Variants in ZDBF2 observed in about 807,000 individuals in gnomAD.
ZDBF2 encodes DBF4-type zinc finger-containing protein 2.
In ZDBF2, 6 loss-of-function variants were observed where a neutral mutation model predicts 9.4. The ratio of observed to expected loss-of-function variants is 0.64; its 90% CI spans 0.35 to 1.27. ZDBF2 has a LOEUF of 1.27. ZDBF2 is among the 50% of genes most tolerant of loss of function. ZDBF2 has a pLI of 0.03. For missense variants in ZDBF2, 2,697 were observed against 2,766.8 expected (o/e 0.97, Z 0.57); for synonymous variants, 905 against 946.3 (o/e 0.96, Z 0.80).
Position 206,308,220 on chromosome 2 carries a change from C to T in ZDBF2, c.3692C>T (p.Thr1231Met), listed in dbSNP as rs371651758. ...CTTTGGAAGGATGAAGAAGTTGACA[C>T]GGAAGATAGGAGAAATGAAGCTAAG... ...ISLWKDEEVDTEDRRNEAKGF... is the reference protein window; with the variant it reads ...ISLWKDEEVDMEDRRNEAKGF... The change falls in exon 5 of 5, where the codon ACG becomes ATG. Residue 1231 changes from threonine to methionine, a missense_variant. This residue lies in a region of ZDBF2 where 1,783 missense variants were observed against 1,776.5 expected (regional missense o/e 1.00). Coordinates refer to ENST00000374423, the MANE Select transcript of ZDBF2 (RefSeq NM_020923.3). 58 of 1,613,752 alleles carry T rather than the reference C, an allele frequency of 3.6e-5. No individual in the cohort carries two copies. In the African/African-American group the frequency reaches 4.1e-4, roughly 11 times the overall value.
intron 1 of ZDBF2, among the ~76,000 whole-genome samples, chr2:206,278,573 A>T (rs1025636582): frequency 6.6e-6 from 1 of 152,164 alleles, no homozygotes; most frequent in African/African-American, 2.4e-5. Flanking sequence ...GCCCTGGTTT[A>T]TTGCCCCTTA....
In ZDBF2 at chr2:206,296,826, C is replaced by T. The variant is rs112065335; in HGVS notation, c.61-420C>T. ...TCTAAATCCAGCACCTTAGACCACT[C>T]GGCCACACTACCACACTCATTTTTT... On this transcript the variant is annotated intron_variant, in intron 3 of 4. Coordinates refer to ENST00000374423, the MANE Select transcript of ZDBF2 (RefSeq NM_020923.3). 7.2e-5 allele frequency among the ~76,000 whole-genome samples: 11 copies of T among 152,232 alleles called. 1 individual carries two copies. The highest frequency in any genetic ancestry group is 2.2e-4 in the African/African-American group (9 of 41,526).
At position 206,293,647 on chromosome 2, in the gene ZDBF2, T is replaced by A. The variant is rs74885338; in HGVS notation, c.61-3599T>A. ...AACAGACCCAATGTAAAAGAGGATA[T>A]CCAGATGGCTAGTAAATATGAAAAG... is the stretch of plus-strand genomic sequence containing the variant. On this transcript the variant is annotated intron_variant, in intron 3 of 4. Transcript: ENST00000374423. Among the ~76,000 whole-genome samples the A allele has an allele frequency of 8.1e-3, 1,237 of 152,182 alleles. 19 individuals are homozygous for A. Among genetic ancestry groups the A allele is most frequent in the African/African-American group, 0.028 (1,179 of 41,524 alleles).
chr2:206,288,518 A>G (rs957293082), intron 3 of ZDBF2, among the ~76,000 whole-genome samples: 8 of 152,204 alleles, frequency 5.3e-5, no homozygotes, highest in Admixed American at 1.3e-4. Context: ...GACGTGGCCT[A>G]TAAGCAAGCA....
At chr2:206,282,540 A>G (rs1264164549) in intron 3 of ZDBF2, among the ~76,000 whole-genome samples, 1 of 152,146 alleles carries the variant, frequency 6.6e-6, no homozygotes, top group Non-Finnish European at 1.5e-5. Context: ...GGAGAAGTCG[A>G]TTCTTTAAGA....
At chr2:206,297,566 AC>A (rs1164758852) in intron 4 of ZDBF2, among the ~76,000 whole-genome samples, 193 bp downstream of exon 4, 9 of 152,216 alleles carry the variant, frequency 5.9e-5, no homozygotes, top group African/African-American at 2.2e-4. Flanking sequence ...GATATGGACT[AC>A]ACTATGTTTT....
At position 206,307,646 on chromosome 2, in the gene ZDBF2, G is replaced by C; in HGVS notation, c.3118G>C (p.Glu1040Gln). The C allele has an allele frequency of 6.2e-7, 1 of 1,612,038 alleles. No homozygotes were observed. The highest frequency in any genetic ancestry group is 2.2e-5 in the East Asian group (1 of 44,850). The change falls in exon 5 of 5, where the codon GAA (glutamate) becomes CAA (glutamine). Residue 1040 changes from glutamate (E) to glutamine (Q), a missense_variant. Physicochemically the swap from Glu to Gln is conservative, Grantham distance 29. This residue lies in a region of ZDBF2 where 1,783 missense variants were observed against 1,776.5 expected (regional missense o/e 1.00). Coordinates refer to ENST00000374423, the MANE Select transcript of ZDBF2 (RefSeq NM_020923.3). ...CAAGAATGATAAATGTAGTGGTTCTGAAATAATTTTGGATTCTAATGTTCC... is the reference window on the plus strand; with the variant it reads ...CAAGAATGATAAATGTAGTGGTTCTCAAATAATTTTGGATTCTAATGTTCC... Reference protein sequence around the residue: ...ENKNDKCSGSEIILDSNVPPQ... With the variant: ...ENKNDKCSGSQIILDSNVPPQ...
In ZDBF2 at chr2:206,311,178, C is replaced by T. The variant is rs1424858558; in HGVS notation, c.6650C>T (p.Thr2217Ile). 1.2e-6 allele frequency: 2 copies of T among 1,613,184 alleles called. No individual in the cohort carries two copies. The highest frequency in any genetic ancestry group is 4.5e-5 in the East Asian group (2 of 44,886). Residue 2217 changes from threonine to isoleucine, a missense_variant, in exon 5 of 5, where the codon ACC (threonine) becomes ATC (isoleucine). Transcript: ENST00000374423. ...ASEKQSIWIR[T>I]KPSDIIRKYI... ...GAGAAACAGTCAATTTGGATTCGGA[C>T]CAAACCAAGTGATATCATTAGAAAG...
chr2:206,308,657 G>A lies in ZDBF2; in HGVS notation c.4129G>A (p.Ala1377Thr). 1.2e-6 allele frequency: 2 copies of A among 1,612,394 alleles called. No individual in the cohort carries two copies. The highest frequency in any genetic ancestry group is 1.7e-6 in the Non-Finnish European group (2 of 1,179,848). The change falls in exon 5 of 5, where the codon GCA becomes ACA. Residue 1377 changes from alanine (A) to threonine (T), a missense_variant. By Grantham distance (58) the Ala-to-Thr change is moderately conservative. Coordinates refer to ENST00000374423, the MANE Select transcript of ZDBF2 (RefSeq NM_020923.3). Reference sequence around the variant, plus strand: ...TGATTCCAATGACTCTTTTCAGGCAGCAGCAGATGAGCTTCAAAAACCTGT... The same window carrying A: ...TGATTCCAATGACTCTTTTCAGGCAACAGCAGATGAGCTTCAAAAACCTGT... ...SSDSNDSFQAAADELQKPVKE... is the reference protein window; with the variant it reads ...SSDSNDSFQATADELQKPVKE...
In ZDBF2 at chr2:206,274,740, T is replaced by C. The variant is rs899345726; in HGVS notation, c.-309T>C. ...GAGTCGCGACTCGGGGCCCGCGTCC[T>C]GAGAGACGCGCTCCCGCGCCGCTTC... On this transcript the variant is annotated 5_prime_UTR_variant, in exon 1 of 5. Coordinates refer to ENST00000374423, the MANE Select transcript of ZDBF2 (RefSeq NM_020923.3). The C allele has an allele frequency of 1.3e-5, 2 of 152,116 alleles. No homozygotes were observed. The highest frequency in any genetic ancestry group is 2.9e-5 in the Non-Finnish European group (2 of 68,016). The allele number at this position is 152,116 out of a possible 1,614,324, so 9.4% of individuals were successfully genotyped here.
chr2:206,307,722 A>G lies in ZDBF2; in HGVS notation c.3194A>G (p.His1065Arg), dbSNP rs775432428. The change falls in exon 5 of 5, where the codon CAT (histidine) becomes CGT (arginine). Residue 1065 changes from histidine (H) to arginine (R), a missense_variant. This residue lies in a region of ZDBF2 where 1,783 missense variants were observed against 1,776.5 expected (regional missense o/e 1.00). Coordinates refer to ENST00000374423, the MANE Select transcript of ZDBF2 (RefSeq NM_020923.3). ...QPQLAFLKEKHVNLKDKNSKS... is the reference protein window; with the variant it reads ...QPQLAFLKEKRVNLKDKNSKS... ...CAACTAGCTTTTTTGAAGGAAAAAC[A>G]TGTTAATCTGAAGGACAAAAACAGT... The G allele has an allele frequency of 3.7e-6, 6 of 1,613,494 alleles. No homozygotes were observed. Among genetic ancestry groups the G allele is most frequent in the Non-Finnish European group, 5.1e-6 (6 of 1,179,742 alleles).
chr2:206,290,584 A>G (rs1342273100), intron 3 of ZDBF2, among the ~76,000 whole-genome samples: 1 of 152,178 alleles, frequency 6.6e-6, no homozygotes, highest in Admixed American at 6.5e-5. Context: ...ATTTATTCGT[A>G]AGCATTTTAT....
intron 3 of ZDBF2, among the ~76,000 whole-genome samples, chr2:206,293,930 A>G (rs1189257412): frequency 6.6e-6 from 1 of 152,142 alleles, no homozygotes; most frequent in African/African-American, 2.4e-5. Context: ...TTGGCACCAA[A>G]AGACACATAC....
chr2:206,280,211 A>T (rs1477381113), intron 2 of ZDBF2, among the ~76,000 whole-genome samples: 2 of 152,208 alleles, frequency 1.3e-5, no homozygotes, highest in African/African-American at 2.4e-5. Flanking sequence ...GTTAATTTTT[A>T]AAAATGCCAA....
At chr2:206,288,921 T>TCAG (rs774782937) in intron 3 of ZDBF2, among the ~76,000 whole-genome samples, 10 of 152,064 alleles carry the variant, frequency 6.6e-5, no homozygotes, top group Non-Finnish European at 1.2e-4. Context: ...ATGGTGGGAC[T>TCAG]CAGCAGCAGC....
chr2:206,309,078 T>C lies in ZDBF2; in HGVS notation c.4550T>C (p.Val1517Ala). ...GTAGTTAACCAATTTCCAGGATCAGTCAAAGAAACCCACCTTCCAAAGGTG... is the reference window on the plus strand; with the variant it reads ...GTAGTTAACCAATTTCCAGGATCAGCCAAAGAAACCCACCTTCCAAAGGTG... ...QIVVNQFPGS[V>A]KETHLPKVVL... Residue 1517 changes from valine (V) to alanine (A), a missense_variant, in exon 5 of 5, where the codon GTC (valine) becomes GCC (alanine). Around this residue, in one of 3 missense-constraint regions of ZDBF2, gnomAD observed 1,783 missense variants for 1,776.5 expected, o/e 1.00. Coordinates refer to ENST00000374423, the MANE Select transcript of ZDBF2 (RefSeq NM_020923.3). 6.2e-7 allele frequency: 1 copy of C among 1,613,932 alleles called. No individual in the cohort carries two copies. The highest frequency in any genetic ancestry group is 2.2e-5 in the East Asian group (1 of 44,878).
At chr2:206,289,505 T>A (rs1274968653) in intron 3 of ZDBF2, among the ~76,000 whole-genome samples, 2 of 151,892 alleles carry the variant, frequency 1.3e-5, no homozygotes, top group Non-Finnish European at 2.9e-5. Flanking sequence ...TGAGGAAGGG[T>A]TTAACCACTG....
intron 3 of ZDBF2, among the ~76,000 whole-genome samples, chr2:206,293,858 T>C (rs1245665039): frequency 6.6e-6 from 1 of 152,138 alleles, no homozygotes; most frequent in Non-Finnish European, 1.5e-5. Context: ...GCTGAACATA[T>C]GCAAATTTTA....
At chr2:206,294,399 G>A (rs1692059964) in intron 3 of ZDBF2, among the ~76,000 whole-genome samples, 1 of 152,214 alleles carries the variant, frequency 6.6e-6, no homozygotes, top group African/African-American at 2.4e-5. Context: ...ATACCTTATA[G>A]GATGTAAATG....
Sources: allele counts gnomAD v4.1 joint callset (sites outside exome capture counted in the v4.1 genomes callset), GRCh38; gene constraint gnomAD v4.1.1; regional missense constraint gnomAD v4.1.1; transcripts MANE v1.5; gene names NCBI Gene and HGNC (gene_info 2026-07-23, HGNC 2026-07-21).